Variants in LY9 observed in about 807,000 individuals in gnomAD.
LY9 encodes the protein lymphocyte antigen 9.
Under a neutral mutation model 64.6 loss-of-function variants are expected in LY9, and 59 were observed. That is an observed-to-expected ratio of 0.91 (90% confidence interval 0.74 to 1.13). The LOEUF (loss-of-function observed/expected upper bound fraction) is 1.13, where lower values mean the gene tolerates loss of function less well. Ranked by LOEUF, LY9 falls within the 50% of genes most tolerant of loss-of-function variation. The probability of loss-of-function intolerance (pLI) is 0.00; values close to 1 mark genes in which losing one functional copy is unlikely to be tolerated. For missense variants in LY9, 789 were observed against 797.2 expected, an observed-to-expected ratio of 0.99 and a Z score of 0.12; for synonymous variants, 281 against 308.5, an observed-to-expected ratio of 0.91 and a Z score of 0.93.
At chr1:160,802,436 C>A (rs970313401) in intron 2 of LY9, 2 of 986,154 alleles carry the variant, frequency 2.0e-6, no homozygotes, top group African/African-American at 3.5e-5. Flanking sequence ...GAGCTGGGAT[C>A]CCCGGGATGC....
intron 8 of LY9, 145 bp downstream of exon 8, chr1:160,823,941 A>G (rs866776033): frequency 3.5e-5 from 27 of 773,530 alleles, no homozygotes; most frequent in African/African-American, 3.3e-4. Flanking sequence ...GGCTGTGTCC[A>G]TGTTTACCAA....
chr1:160,801,777 T>A, intron 2 of LY9: 1 of 1,600,472 alleles, frequency 6.2e-7, no homozygotes, highest in Non-Finnish European at 8.6e-7. Context: ...ATGTGACTAT[T>A]CAATTTTCCC....
In LY9 at chr1:160,813,738, G is replaced by A; in HGVS notation, c.557G>A (p.Ser186Asn). ...TGCTCCGTGAAGGGGGCAGAGAAAA[G>A]TGTTCTGTACAGCTGGACCCCAAGG... ...LMCSVKGAEK[S>N]VLYSWTPREP... The change falls in exon 3 of 10, where the codon AGT (serine) becomes AAT (asparagine). Residue 186 changes from serine to asparagine, a missense_variant. Coordinates refer to ENST00000263285, the MANE Select transcript of LY9 (RefSeq NM_002348.4). 1 of 1,614,196 alleles carries A rather than the reference G, an allele frequency of 6.2e-7. No homozygotes were observed. The highest frequency in any genetic ancestry group is 8.5e-7 in the Non-Finnish European group (1 of 1,180,032).
At chr1:160,824,146 G>A in intron 8 of LY9, 35 bp from the exon 9 acceptor site, 1 of 1,613,530 alleles carries the variant, frequency 6.2e-7, no homozygotes, top group East Asian at 2.2e-5. Context: ...CTCTCATGTG[G>A]TCACTAGGGC....
At position 160,828,048 on chromosome 1, in the gene LY9, C is replaced by T; in HGVS notation, c.*232C>T. The T allele has an allele frequency of 2.9e-6, 1 of 341,610 alleles. No homozygotes were observed. The highest frequency in any genetic ancestry group is 2.1e-5 in the African/African-American group (1 of 46,858). 21.2% of individuals were successfully genotyped at this position (341,610 alleles called of 1,614,324 possible). On this transcript the variant is annotated 3_prime_UTR_variant, in exon 10 of 10. Transcript: ENST00000263285. ...CTATGGGCTTCAGATGTCTTTGCCC[C>T]ATTTGTCACCTCGCACACTTATAGC...
intron 2 of LY9, chr1:160,802,545 C>T (rs1224989626): frequency 1.0e-6 from 1 of 985,520 alleles, no homozygotes; most frequent in East Asian, 1.1e-4. Flanking sequence ...GTTTGTTTTT[C>T]CAAGAAATGG....
Position 160,818,339 on chromosome 1 carries a change from G to T in LY9, c.1444+20G>T, listed in dbSNP as rs746384729. 1 of 1,592,418 alleles carries T rather than the reference G, an allele frequency of 6.3e-7. No homozygotes were observed. The highest frequency in any genetic ancestry group is 1.7e-5 in the Admixed American group (1 of 59,980). On this transcript the variant is annotated intron_variant, in intron 6 of 9. Transcript: ENST00000263285. ...GACGGTGTGAGTTTCCGAGATCAAT[G>T]TTGTCCGCCAGTGCTAGGCCATTTC... is the stretch of plus-strand genomic sequence containing the variant.
chr1:160,799,819 C>G lies in LY9; in HGVS notation c.191C>G (p.Thr64Ser). ...VVSGILGGSV[T>S]LPLNISVDTE... ...TCAGGGATCCTAGGGGGTTCCGTGA[C>G]TCTCCCCCTAAACATCTCAGTAGAC... Residue 64 changes from threonine (T) to serine (S), a missense_variant, in exon 2 of 10, where the codon ACT becomes AGT. By Grantham distance (58) the Thr-to-Ser change is moderately conservative (BLOSUM62 1). Transcript: ENST00000263285. 6.2e-7 allele frequency: 1 copy of G among 1,614,058 alleles called. No homozygotes were observed. Among genetic ancestry groups the G allele is most frequent in the Non-Finnish European group, 8.5e-7 (1 of 1,179,886 alleles).
At chr1:160,810,562 C>T (rs1475427734) in intron 2 of LY9, 1 of 152,172 alleles carries the variant, frequency 6.6e-6, no homozygotes, top group East Asian at 1.9e-4. Context: ...TCTCCAAATA[C>T]AGTCACATTC....
At position 160,823,755 on chromosome 1, in the gene LY9, G is replaced by T. The variant is rs144157867; in HGVS notation, c.1789G>T (p.Val597Phe). The change falls in exon 8 of 10, where the codon GTT becomes TTT. Residue 597 changes from valine (V) to phenylalanine (F), a missense_variant. Transcript: ENST00000263285. ...TPYVTEVESVVGENTMYAQVF... is the reference protein window; with the variant it reads ...TPYVTEVESVFGENTMYAQVF... The stretch of plus-strand genomic sequence containing the variant: ...ATATGTCACGGAAGTTGAGTCTGTG[G>T]TTGGAGAGAACACCATGTATGCACA... 30 of 1,614,158 alleles carry T rather than the reference G, an allele frequency of 1.9e-5. No individual in the cohort carries two copies. In the African/African-American group the frequency reaches 3.6e-4, roughly 19 times the overall value.
In LY9 at chr1:160,806,672, C is replaced by G. The variant is rs548917336; in HGVS notation, c.454+6590C>G. 2.0e-5 allele frequency among the ~76,000 whole-genome samples: 3 copies of G among 152,274 alleles called. No homozygotes were observed. The East Asian group carries it at 5.8e-4, about 29-fold the overall frequency. ...ACTGTTTTTATGATTTACTCTTTGA[C>G]TTTAGATAGTTTGACTGTGATGTGT... On this transcript the variant is annotated intron_variant, in intron 2 of 9. Transcript: ENST00000263285.
chr1:160,809,082 T>C (rs1159011055), intron 2 of LY9, among the ~76,000 whole-genome samples: 2 of 152,124 alleles, frequency 1.3e-5, no homozygotes, highest in Non-Finnish European at 2.9e-5. Context: ...CTGCAATGAA[T>C]ATTCTTGTGC....
At chr1:160,823,316 C>T (rs1471450607) in intron 7 of LY9, 149 bp from the exon 8 acceptor site, 1 of 570,440 alleles carries the variant, frequency 1.8e-6, no homozygotes, top group East Asian at 2.8e-5. Context: ...GTGGAATGGA[C>T]CCCCTGAGGG....
In LY9 at chr1:160,812,613, T is replaced by C. The variant is rs142883986; in HGVS notation, c.455-1023T>C. The C allele has an allele frequency of 8.5e-5, 13 of 152,304 alleles. No homozygotes were observed. The East Asian group carries it at 2.5e-3, about 29-fold the overall frequency. 9.4% of individuals were successfully genotyped at this position (152,304 alleles called of 1,614,324 possible). ...AAACAGTGTGTAAAGTATGCATATA[T>C]CTGTCTATATCTAGAATACCTCTGG... On this transcript the variant is annotated intron_variant, in intron 2 of 9. Coordinates refer to ENST00000263285, the MANE Select transcript of LY9 (RefSeq NM_002348.4).
At chr1:160,822,766 C>T (rs1668571074) in intron 7 of LY9, among the ~76,000 whole-genome samples, 1 of 152,198 alleles carries the variant, frequency 6.6e-6, no homozygotes, top group Non-Finnish European at 1.5e-5. Context: ...CACCGGCCCT[C>T]ACAGCGCATC....
At chr1:160,825,219 A>T (rs1017917808) in intron 9 of LY9, among the ~76,000 whole-genome samples, 23 of 152,166 alleles carry the variant, frequency 1.5e-4, no homozygotes, top group Non-Finnish European at 3.1e-4. Flanking sequence ...AAAAAAAAAA[A>T]AAATCCCTTA....
intron 1 of LY9, chr1:160,799,181 G>A (rs534471386): frequency 8.5e-5 from 13 of 153,558 alleles, no homozygotes; most frequent in African/African-American, 3.1e-4. Context: ...TCCCGACACT[G>A]CTATGAGAGT....
rs1252738333 is a variant in LY9 at position 160,796,283 on chromosome 1, A to G, written c.96A>G (p.Leu32=). The change falls in exon 1 of 10, where the codon CTA becomes CTG. Residue 32 remains leucine (L), a synonymous_variant. Transcript: ENST00000263285. ...RSQLQIFSSV[L]QTSLLFLLMG... ...AGCTGCAAATATTCTCTTCTGTTCTACAGACCTCTCTCCTCTTCCTGCTCA... is the reference window on the plus strand; with the variant it reads ...AGCTGCAAATATTCTCTTCTGTTCTGCAGACCTCTCTCCTCTTCCTGCTCA... 2 of 1,613,504 alleles carry G rather than the reference A, an allele frequency of 1.2e-6. No homozygotes were observed.
At chr1:160,800,145 G>T (rs898478433) in intron 2 of LY9, 63 bp downstream of exon 2, 26 of 1,346,808 alleles carry the variant, frequency 1.9e-5, no homozygotes, top group Admixed American at 1.4e-4. Context: ...AAATTTATGG[G>T]GTATGTGTGA....
Sources: gnomAD v4.1 joint callset for allele counts (sites outside exome capture counted in the v4.1 genomes callset) on GRCh38, gnomAD v4.1.1 for gene constraint, MANE v1.5 for transcripts, NCBI Gene and HGNC (gene_info 2026-07-23, HGNC 2026-07-21) for gene names.